CC2D2A: variants seen among roughly 807,000 people sequenced by gnomAD.
The protein encoded by CC2D2A is coiled-coil and C2 domain containing 2A.
CC2D2A carries 155 observed loss-of-function variants against 212.9 expected under a neutral mutation model. That is an observed-to-expected ratio of 0.73 (90% confidence interval 0.64 to 0.83). The LOEUF (loss-of-function observed/expected upper bound fraction) is 0.83. CC2D2A is among the 40% of genes least tolerant of loss of function. The probability of loss-of-function intolerance (pLI) is 0.00; values close to 1 mark genes in which losing one functional copy is unlikely to be tolerated. For synonymous variants in CC2D2A, 667 were observed against 686.5 expected (o/e 0.97, Z 0.44); for missense variants, 1,856 against 1,956.2 (o/e 0.95, Z 0.97).
In CC2D2A at chr4:15,537,433, T is replaced by C. The variant is rs1027052237; in HGVS notation, c.1764+357T>C. ...CATTAAATGTAGGGATTGATGCTTC[T>C]GAGTTTCCTTCAGAAAATTATATAA... On this transcript the variant is annotated intron_variant, in intron 15 of 36. Transcript: ENST00000424120. 5.3e-5 allele frequency among the ~76,000 whole-genome samples: 8 copies of C among 152,202 alleles called. No individual in the cohort carries two copies. In the East Asian group the frequency reaches 5.8e-4, roughly 11 times the overall value.
At chr4:15,470,705 A>C (rs62289313) in intron 1 of CC2D2A, among the ~76,000 whole-genome samples, 2,950 of 51,392 alleles carry the variant, frequency 0.057, 69 homozygotes, top group African/African-American at 0.13. Flanking sequence ...ATATATATAT[A>C]TATATATATA....
intron 17 of CC2D2A, among the ~76,000 whole-genome samples, chr4:15,544,517 C>A (rs1437885447): frequency 2.0e-5 from 3 of 152,164 alleles, no homozygotes; most frequent in Non-Finnish European, 4.4e-5. Context: ...GGCCAGGAGA[C>A]ACCCACTGGC....
At position 15,555,229 on chromosome 4, in the gene CC2D2A, A is replaced by G. The variant is rs1387735671; in HGVS notation, c.2625+19A>G. 9 of 1,608,642 alleles carry G rather than the reference A, an allele frequency of 5.6e-6. No individual in the cohort carries two copies. The highest frequency in any genetic ancestry group is 8.5e-7 in the Non-Finnish European group (1 of 1,176,916). ...TATCTCGGTATGTAGCAGGAGGCAC[A>G]CATGCCATTTCTTGACTTGGCCTTT... On this transcript the variant is annotated intron_variant, in intron 20 of 36. Transcript: ENST00000424120.
chr4:15,587,792 A>G (rs376011846), intron 31 of CC2D2A, 24 bp from the exon 32 acceptor site: 124 of 1,286,824 alleles, frequency 9.6e-5, no homozygotes, highest in Non-Finnish European at 1.3e-4. Context: ...GTCATACAAC[A>G]TAATTTTTTT....
chr4:15,481,237 G>A (rs561394098), intron 4 of CC2D2A: 60 of 455,062 alleles, frequency 1.3e-4, no homozygotes, highest in Admixed American at 4.5e-4. Context: ...GGCCAGGCAC[G>A]GTGACTCACG....
At chr4:15,504,248 A>G (rs1204102099) in intron 6 of CC2D2A, among the ~76,000 whole-genome samples, 2 of 152,218 alleles carry the variant, frequency 1.3e-5, no homozygotes, top group Non-Finnish European at 2.9e-5. Flanking sequence ...GTCAGTAGGA[A>G]CACTAGTCAG....
At chr4:15,559,129 G>A (rs916296525) in intron 21 of CC2D2A, 36 bp from the exon 22 acceptor site, 2 of 1,200,922 alleles carry the variant, frequency 1.7e-6, no homozygotes, top group African/African-American at 1.5e-5. Context: ...AAGCACCAGA[G>A]AGTGCTTTAA....
intron 1 of CC2D2A, among the ~76,000 whole-genome samples, chr4:15,470,685 CTCTCTATATATATATATATATA>C (rs1224105295): frequency 0.062 from 2,454 of 39,880 alleles, 20 homozygotes; most frequent in Admixed American, 0.078. Flanking sequence ...CTCTCTCTCT[CTCTCTATATATATATATATATA>C]TATATATATA....
intron 6 of CC2D2A, among the ~76,000 whole-genome samples, chr4:15,508,190 C>G (rs2109004189): frequency 1.3e-5 from 2 of 152,328 alleles, no homozygotes; most frequent in Non-Finnish European, 2.9e-5. Context: ...GTCTACGTGA[C>G]TCCTCAGAGG....
intron 4 of CC2D2A, among the ~76,000 whole-genome samples, chr4:15,499,651 T>C (rs1041604526): frequency 6.6e-6 from 1 of 152,212 alleles, no homozygotes; most frequent in Non-Finnish European, 1.5e-5. Context: ...ATAACTGTTT[T>C]ATGAAAACTA....
At chr4:15,586,851 T>C (rs1349857820) in intron 31 of CC2D2A, among the ~76,000 whole-genome samples, 1 of 152,230 alleles carries the variant, frequency 6.6e-6, no homozygotes, top group Non-Finnish European at 1.5e-5. Context: ...AACTGAACTG[T>C]ATTATACAAC....
chr4:15,502,376 C>CTTTTCT (rs778613260), intron 4 of CC2D2A, 53 bp from the exon 5 acceptor site: 43 of 1,429,894 alleles, frequency 3.0e-5, no homozygotes, highest in Middle Eastern at 2.1e-4. Context: ...TTTCCTTTTT[C>CTTTTCT]TTTTCTTTTT....
intron 21 of CC2D2A, 31 bp from the exon 22 acceptor site, chr4:15,559,134 C>T: frequency 7.6e-7 from 1 of 1,318,660 alleles, no homozygotes. Flanking sequence ...CCAGAGAGTG[C>T]TTTAAAATCA....
chr4:15,572,238 G>A (rs1441128051), intron 28 of CC2D2A, among the ~76,000 whole-genome samples: 1 of 152,090 alleles, frequency 6.6e-6, no homozygotes, highest in Non-Finnish European at 1.5e-5. Context: ...TTTATAAATG[G>A]AGAAACAGAA....
chr4:15,470,684 TCTCTCTATATATATATA>T (rs1560383064), intron 1 of CC2D2A, among the ~76,000 whole-genome samples: 7 of 27,852 alleles, frequency 2.5e-4, no homozygotes, highest in African/African-American at 5.6e-4. Context: ...TCTCTCTCTC[TCTCTCTATATATATATA>T]TATATATATA....
At chr4:15,601,093 T>A in intron 36 of CC2D2A, 144 bp from the exon 37 acceptor site, 1 of 690,714 alleles carries the variant, frequency 1.4e-6, no homozygotes, top group Non-Finnish European at 2.4e-6. Flanking sequence ...CGATTTTCTG[T>A]ATTGCTAATA....
At chr4:15,590,460 A>G (rs1721052152) in intron 33 of CC2D2A, among the ~76,000 whole-genome samples, 1 of 152,186 alleles carries the variant, frequency 6.6e-6, no homozygotes, top group Non-Finnish European at 1.5e-5. Flanking sequence ...GGTTGCAACG[A>G]GCTGAGATGG....
At chr4:15,536,077 TG>T (rs1718113812) in intron 14 of CC2D2A, among the ~76,000 whole-genome samples, 1 of 152,164 alleles carries the variant, frequency 6.6e-6, no homozygotes, top group Non-Finnish European at 1.5e-5. Context: ...GAACACACTG[TG>T]GGAAACGGTG....
chr4:15,496,655 A>C (rs913900619), intron 4 of CC2D2A, among the ~76,000 whole-genome samples: 5 of 152,170 alleles, frequency 3.3e-5, no homozygotes, highest in Non-Finnish European at 2.9e-5. Flanking sequence ...ACACAAAGGA[A>C]TATAATTTCT....
Sources: gnomAD v4.1 joint callset for allele counts (sites outside exome capture counted in the v4.1 genomes callset) on GRCh38, gnomAD v4.1.1 for gene constraint, MANE v1.5 for transcripts, NCBI Gene and HGNC (gene_info 2026-07-23, HGNC 2026-07-21) for gene names.